EIF5B: variants seen among roughly 807,000 people sequenced by gnomAD.
EIF5B encodes eukaryotic translation initiation factor 5B, also known as eIF-5B.
EIF5B carries 47 observed loss-of-function variants against 147.5 expected under a neutral mutation model. The ratio of observed to expected loss-of-function variants is 0.32; its 90% confidence interval spans 0.25 to 0.41. EIF5B has a LOEUF of 0.41. EIF5B is among the 10% of genes least tolerant of loss of function. The pLI is 1.00. For missense variants in EIF5B, 1,064 were observed against 1,413.2 expected, an observed-to-expected ratio of 0.75 and a Z score of 3.96; for synonymous variants, 455 against 456.2, an observed-to-expected ratio of 1.00 and a Z score of 0.03.
intron 1 of EIF5B, among the ~76,000 whole-genome samples, chr2:99,345,301 A>G (rs976145333): frequency 4.6e-5 from 7 of 152,154 alleles, no homozygotes; most frequent in Admixed American, 3.9e-4. Context: ...TGAAATGTCT[A>G]ACATGCGACC....
chr2:99,389,601 TA>T, intron 14 of EIF5B, 116 bp from the exon 15 acceptor site: 1 of 873,304 alleles, frequency 1.1e-6, no homozygotes, highest in Non-Finnish European at 1.6e-6. Context: ...AGTGTATGAG[TA>T]AGTCACACTG....
At position 99,382,218 on chromosome 2, in the gene EIF5B, A is replaced by G. The variant is rs776678968; in HGVS notation, c.2121A>G (p.Glu707=). Reference sequence around the variant, plus strand: ...TAATTATTGATACTCCTGGGCATGAATCTTTCAGGTAAGAGCAATTTGAGT... The same window carrying G: ...TAATTATTGATACTCCTGGGCATGAGTCTTTCAGGTAAGAGCAATTTGAGT... ...GMLIIDTPGH[E]SFSNLRNRGS... The change falls in exon 13 of 24, where the codon GAA becomes GAG. Residue 707 remains glutamate (E), a synonymous_variant. Coordinates refer to ENST00000289371, the MANE Select transcript of EIF5B (RefSeq NM_015904.4). 1.9e-6 allele frequency: 3 copies of G among 1,613,044 alleles called. No individual in the cohort carries two copies. Among genetic ancestry groups the G allele is most frequent in the Non-Finnish European group, 2.5e-6 (3 of 1,179,396 alleles).
intron 21 of EIF5B, among the ~76,000 whole-genome samples, chr2:99,395,737 T>A (rs12233126): frequency 0.15 from 22,559 of 152,084 alleles, 1,835 homozygotes; most frequent in East Asian, 0.25. Context: ...GGACTGTGAT[T>A]AATGATGTGG....
chr2:99,366,240 A>G lies in EIF5B; in HGVS notation c.1288+1819A>G, dbSNP rs543381431. On this transcript the variant is annotated intron_variant, in intron 6 of 23. Coordinates refer to ENST00000289371, the MANE Select transcript of EIF5B (RefSeq NM_015904.4). ...ACAAGTCTTGGTGTTGATTCCAAGT[A>G]CAGCAGCTTATTTGAGAGTCTGAGA... Among the ~76,000 whole-genome samples, 12 of 152,354 alleles carry G rather than the reference A, an allele frequency of 7.9e-5. No homozygotes were observed. The South Asian group carries it at 2.5e-3, about 32-fold the overall frequency.
chr2:99,378,977 A>C, intron 10 of EIF5B, 42 bp from the exon 11 acceptor site: 1 of 1,413,156 alleles, frequency 7.1e-7, no homozygotes, highest in Middle Eastern at 2.0e-4. Context: ...GAGGATTTGA[A>C]ATAATATTTA....
Position 99,362,822 on chromosome 2 carries a change from G to A in EIF5B, c.920-823G>A, listed in dbSNP as rs181562371. On this transcript the variant is annotated intron_variant, in intron 4 of 23. Coordinates refer to ENST00000289371, the MANE Select transcript of EIF5B (RefSeq NM_015904.4). ...TGCCTAGGCTGGAGTGCAATGACAC[G>A]ATCTCAGCTCACTGCAACCTCCTCT... is the stretch of plus-strand genomic sequence containing the variant. Among the ~76,000 whole-genome samples, 309 of 151,760 alleles carry A rather than the reference G, an allele frequency of 2.0e-3. 1 individual carries two copies. The highest frequency in any genetic ancestry group is 6.3e-3 in the African/African-American group (260 of 41,396).
intron 1 of EIF5B, among the ~76,000 whole-genome samples, 154 bp downstream of exon 1, chr2:99,337,743 C>T (rs2094246503): frequency 6.6e-6 from 1 of 152,172 alleles, no homozygotes; most frequent in Non-Finnish European, 1.5e-5. Context: ...GGGCCCAAGC[C>T]CCCGGGCCGG....
At chr2:99,354,248 C>G (rs1465411059) in intron 1 of EIF5B, among the ~76,000 whole-genome samples, 1 of 152,048 alleles carries the variant, frequency 6.6e-6, no homozygotes, top group African/African-American at 2.4e-5. Flanking sequence ...TGTAGTGATT[C>G]GTATGTAGTG....
intron 3 of EIF5B, 121 bp from the exon 4 acceptor site, chr2:99,361,027 G>C: frequency 9.6e-7 from 1 of 1,044,012 alleles, no homozygotes; most frequent in African/African-American, 1.7e-5. Context: ...CTGTGAAAAA[G>C]ACTTTGAAAA....
chr2:99,351,678 T>C (rs976142402), intron 1 of EIF5B, among the ~76,000 whole-genome samples: 1 of 149,968 alleles, frequency 6.7e-6, no homozygotes, highest in African/African-American at 2.4e-5. Flanking sequence ...TGTAGTGACA[T>C]ATCATTGTGT....
At chr2:99,368,458 G>C in intron 6 of EIF5B, 35 bp from the exon 7 acceptor site, 11 of 1,496,688 alleles carry the variant, frequency 7.3e-6, no homozygotes, top group Non-Finnish European at 1.0e-5. Flanking sequence ...CATGCAAGTA[G>C]TATAAGCCTG....
intron 22 of EIF5B, 43 bp downstream of exon 22, chr2:99,396,941 C>T (rs1169490845): frequency 5.1e-6 from 8 of 1,570,582 alleles, no homozygotes; most frequent in Non-Finnish European, 6.9e-6. Flanking sequence ...TCTTAAAGCA[C>T]TAAATGAGTG....
intron 17 of EIF5B, 43 bp from the exon 18 acceptor site, chr2:99,392,924 A>C: frequency 7.3e-7 from 1 of 1,368,572 alleles, no homozygotes; most frequent in Non-Finnish European, 9.5e-7. Context: ...ACTGCTAACC[A>C]CTTTTAAAGT....
intron 15 of EIF5B, 29 bp downstream of exon 15, chr2:99,389,878 G>T (rs760571399): frequency 1.3e-6 from 2 of 1,585,960 alleles, no homozygotes; most frequent in Admixed American, 1.9e-5. Flanking sequence ...TTTCTGAAGA[G>T]CCTATCTCAG....
chr2:99,370,108 G>C (rs1674413970), intron 8 of EIF5B, among the ~76,000 whole-genome samples: 1 of 152,164 alleles, frequency 6.6e-6, no homozygotes, highest in African/African-American at 2.4e-5. Flanking sequence ...AAATTGGAAG[G>C]ATTTTTAACT....
chr2:99,388,836 G>A (rs1310262296), intron 14 of EIF5B, among the ~76,000 whole-genome samples: 1 of 152,134 alleles, frequency 6.6e-6, no homozygotes, highest in African/African-American at 2.4e-5. Context: ...AAGACGAGTT[G>A]AGAAGTGTTT....
At chr2:99,394,445 G>A in intron 19 of EIF5B, 47 bp downstream of exon 19, 1 of 1,613,394 alleles carries the variant, frequency 6.2e-7, no homozygotes, top group Non-Finnish European at 8.5e-7. Context: ...GTTGGTCGTG[G>A]TTTTTGGTGC....
intron 1 of EIF5B, among the ~76,000 whole-genome samples, chr2:99,354,722 C>T (rs1452574944): frequency 6.6e-6 from 1 of 150,960 alleles, no homozygotes; most frequent in African/African-American, 2.4e-5. Flanking sequence ...GATAGGTGTC[C>T]ATTTGCTGTA....
At chr2:99,345,572 C>T (rs1471969218) in intron 1 of EIF5B, among the ~76,000 whole-genome samples, 2 of 125,472 alleles carry the variant, frequency 1.6e-5, no homozygotes, top group African/African-American at 6.1e-5. Context: ...CCAGCCTGGG[C>T]AATGGAGTGA....
Sources: allele counts gnomAD v4.1 joint callset (sites outside exome capture counted in the v4.1 genomes callset), GRCh38; gene constraint gnomAD v4.1.1; transcripts MANE v1.5; gene names NCBI Gene and HGNC (gene_info 2026-07-23, HGNC 2026-07-21).